Variants in STIM2 observed in about 807,000 individuals in gnomAD.
STIM2 encodes stromal interaction molecule 2.
In STIM2, 31 loss-of-function variants were observed where a neutral mutation model predicts 85.8. The ratio of observed to expected loss-of-function variants is 0.36; its 90% CI spans 0.27 to 0.49. The LOEUF (loss-of-function observed/expected upper bound fraction) is 0.49, where lower values mean the gene tolerates loss of function less well. Among genes scored for constraint, STIM2 ranks in the 20% least tolerant of loss-of-function variants. STIM2 has a pLI of 0.98. For synonymous variants in STIM2, 356 were observed against 331.1 expected (o/e 1.08, Z -0.82); for missense variants, 841 against 927.6 (o/e 0.91, Z 1.21).
chr4:26,890,512 C>G (rs796754841), intron 1 of STIM2, among the ~76,000 whole-genome samples: 5 of 152,124 alleles, frequency 3.3e-5, no homozygotes, highest in African/African-American at 1.2e-4. Flanking sequence ...TAATAAGGCC[C>G]CGTAGCAAGC....
At position 26,929,199 on chromosome 4, in the gene STIM2, T is replaced by G. The variant is rs148494456; in HGVS notation, c.282+9565T>G. Among the ~76,000 whole-genome samples the G allele has an allele frequency of 4.7e-3, 722 of 152,314 alleles. 5 individuals are homozygous for G. Among genetic ancestry groups the G allele is most frequent in the African/African-American group, 0.017 (698 of 41,572 alleles). The stretch of plus-strand genomic sequence containing the variant: ...ATAATATTAAAATTTACTTCCTTTG[T>G]TTTTACTCAGTGTAACTTCTAGAAA... On this transcript the variant is annotated intron_variant, in intron 2 of 11. Transcript: ENST00000467087.
At chr4:26,874,361 A>G (rs1457195037) in intron 1 of STIM2, 2 of 283,602 alleles carry the variant, frequency 7.1e-6, no homozygotes, top group South Asian at 3.9e-5. Flanking sequence ...TGCCTGCCCA[A>G]GAGTCTTGTC....
chr4:27,003,391 G>A, intron 7 of STIM2, among the ~76,000 whole-genome samples: 1 of 152,216 alleles, frequency 6.6e-6, no homozygotes, highest in Middle Eastern at 3.4e-3. Context: ...TCTGTAATAT[G>A]TTTAAGTTTC....
At chr4:26,988,247 A>C (rs1031075937) in intron 3 of STIM2, among the ~76,000 whole-genome samples, 5 of 152,204 alleles carry the variant, frequency 3.3e-5, no homozygotes, top group Non-Finnish European at 7.3e-5. Flanking sequence ...CAATTACGTT[A>C]TGGTATATGA....
At chr4:26,915,515 G>A (rs375546643) in intron 1 of STIM2, among the ~76,000 whole-genome samples, 7 of 152,158 alleles carry the variant, frequency 4.6e-5, no homozygotes, top group Admixed American at 2.0e-4. Context: ...GATTACAGGC[G>A]TTGAGCCACT....
In STIM2 at chr4:26,919,559, G is replaced by T. The variant is rs1389496322; in HGVS notation, c.207G>T (p.Leu69=). 2.5e-6 allele frequency: 4 copies of T among 1,613,648 alleles called. No homozygotes were observed. The highest frequency in any genetic ancestry group is 1.3e-5 in the African/African-American group (1 of 75,014). ...TTACAGAAGAAGACAGATTTAGTCTGGAAGCTCTTCAAACAATACATAAAC... is the reference window on the plus strand; with the variant it reads ...TTACAGAAGAAGACAGATTTAGTCTTGAAGCTCTTCAAACAATACATAAAC... Residue 69 remains leucine, a synonymous_variant, in exon 2 of 12, where the codon CTG becomes CTT. Transcript: ENST00000467087.
intron 2 of STIM2, among the ~76,000 whole-genome samples, chr4:26,945,802 T>C (rs551361037): frequency 1.1e-3 from 172 of 152,304 alleles, no homozygotes; most frequent in Admixed American, 2.0e-3. Context: ...GGTTTTTTTT[T>C]CTCATAAATT....
At chr4:26,945,212 C>T (rs984799948) in intron 2 of STIM2, among the ~76,000 whole-genome samples, 4 of 152,102 alleles carry the variant, frequency 2.6e-5, no homozygotes, top group Non-Finnish European at 5.9e-5. Context: ...TTTTCTGTTC[C>T]TGTGTTAGTT....
In STIM2 at chr4:26,860,919, C is replaced by T; in HGVS notation, c.-300C>T. ...CTGAAGACGCCGTACCTTTCTACCC[C>T]CCACCTTTTTTTTTTTTTTTTTTAA... On this transcript the variant is annotated 5_prime_UTR_variant, in exon 1 of 12. Coordinates refer to ENST00000467087, the MANE Select transcript of STIM2 (RefSeq NM_020860.4). 1 of 1,017,478 alleles carries T rather than the reference C, an allele frequency of 9.8e-7. No individual in the cohort carries two copies. The highest frequency in any genetic ancestry group is 1.2e-6 in the Non-Finnish European group (1 of 820,624). The allele number at this position is 1,017,478 out of a possible 1,614,324, so 63.0% of individuals were successfully genotyped here.
At chr4:27,011,077 A>G (rs1728538816) in intron 10 of STIM2, among the ~76,000 whole-genome samples, 1 of 152,214 alleles carries the variant, frequency 6.6e-6, no homozygotes, top group South Asian at 2.1e-4. Context: ...TCTCTGAAAT[A>G]AACTATTACA....
At chr4:26,929,362 C>T (rs1416448955) in intron 2 of STIM2, among the ~76,000 whole-genome samples, 5 of 151,990 alleles carry the variant, frequency 3.3e-5, no homozygotes, top group Non-Finnish European at 7.4e-5. Context: ...AATATAGGTG[C>T]ATTTTGGTTT....
chr4:26,946,405 G>A (rs4586918), intron 2 of STIM2, among the ~76,000 whole-genome samples: 27,714 of 152,206 alleles, frequency 0.18, 2,795 homozygotes, highest in Admixed American at 0.24. Context: ...AATGTAGTCT[G>A]ATCAAACCTG....
chr4:26,885,587 C>T (rs529983491), intron 1 of STIM2, among the ~76,000 whole-genome samples: 1 of 151,788 alleles, frequency 6.6e-6, no homozygotes, highest in Non-Finnish European at 1.5e-5. Flanking sequence ...GAAGGATCCT[C>T]CTTTAACTAA....
Position 26,951,613 on chromosome 4 carries a change from C to T in STIM2, c.283-5999C>T, listed in dbSNP as rs140039750. Reference sequence around the variant, plus strand: ...TGAGGGCCTGTGAGTATGGTAAATCCGGTCCCTGTAACCTCATCTTTGCTG... The same window carrying T: ...TGAGGGCCTGTGAGTATGGTAAATCTGGTCCCTGTAACCTCATCTTTGCTG... On this transcript the variant is annotated intron_variant, in intron 2 of 11. Transcript: ENST00000467087. 5.0e-3 allele frequency among the ~76,000 whole-genome samples: 756 copies of T among 152,134 alleles called. 5 individuals carry two copies. Among genetic ancestry groups the T allele is most frequent in the Middle Eastern group, 0.027 (8 of 294 alleles).
rs1488222697 is a variant in STIM2, at chr4:26,991,323, G to A, written c.398-4056G>A. 1.3e-5 allele frequency among the ~76,000 whole-genome samples: 2 copies of A among 152,078 alleles called. 1 individual carries two copies. Reference sequence around the variant, plus strand: ...TCATTATGTTAAGTGAAATAAACCAGGCACAGAAAGACAAATATCACACGT... The same window carrying A: ...TCATTATGTTAAGTGAAATAAACCAAGCACAGAAAGACAAATATCACACGT... On this transcript the variant is annotated intron_variant, in intron 3 of 11. Coordinates refer to ENST00000467087, the MANE Select transcript of STIM2 (RefSeq NM_020860.4).
At chr4:26,915,276 C>G (rs2109062355) in intron 1 of STIM2, among the ~76,000 whole-genome samples, 1 of 151,708 alleles carries the variant, frequency 6.6e-6, no homozygotes, top group Non-Finnish European at 1.5e-5. Flanking sequence ...ACTCTGTTAC[C>G]CAGGGTGGAG....
At chr4:26,982,508 T>C (rs1296806415) in intron 3 of STIM2, among the ~76,000 whole-genome samples, 3 of 152,172 alleles carry the variant, frequency 2.0e-5, no homozygotes, top group Admixed American at 2.0e-4. Context: ...GGATTAAGGA[T>C]ATTCTTTATT....
chr4:26,865,682 TAAG>T (rs1722380195), intron 1 of STIM2, among the ~76,000 whole-genome samples: 1 of 152,142 alleles, frequency 6.6e-6, no homozygotes, highest in Non-Finnish European at 1.5e-5. Flanking sequence ...ATATGGATAA[TAAG>T]CCATTTTTTG....
chr4:26,872,475 T>C (rs1373609723), intron 1 of STIM2, among the ~76,000 whole-genome samples: 1 of 152,192 alleles, frequency 6.6e-6, no homozygotes, highest in Admixed American at 6.5e-5. Context: ...AAAGTAAATA[T>C]AGAAAATACA....
Sources: allele counts gnomAD v4.1 joint callset (sites outside exome capture counted in the v4.1 genomes callset), GRCh38; gene constraint gnomAD v4.1.1; transcripts MANE v1.5; gene names NCBI Gene and HGNC (gene_info 2026-07-23, HGNC 2026-07-21).